The following UNC79 variants were observed in gnomAD, a reference collection of about 807,000 sequenced individuals.
UNC79 encodes the protein unc-79 subunit of NALCN channel complex, also known as protein unc-79 homolog.
A neutral mutation model predicts 283.1 loss-of-function variants in UNC79; 37 were observed. That is an observed-to-expected ratio of 0.13 (90% CI 0.10 to 0.17). The LOEUF (loss-of-function observed/expected upper bound fraction) is 0.17. Ranked by LOEUF, UNC79 falls within the 10% of genes least tolerant of loss-of-function variation. The pLI is 1.00. For synonymous variants in UNC79, 1,107 were observed against 1,200.2 expected, an observed-to-expected ratio of 0.92 and a Z score of 1.61; for missense variants, 2,272 against 3,211.1, an observed-to-expected ratio of 0.71 and a Z score of 7.07.
chr14:93,394,971 C>A lies in UNC79; in HGVS notation c.-351+61448C>A, dbSNP rs372827495. Reference sequence around the variant, plus strand: ...CAAGCAACCCTTCTGTCTTGGCCTCCCAAAGCATTGGGCTTACAGACATGA... The same window carrying A: ...CAAGCAACCCTTCTGTCTTGGCCTCACAAAGCATTGGGCTTACAGACATGA... On this transcript the variant is annotated intron_variant, in intron 1 of 49. Transcript: ENST00000256339. Among the ~76,000 whole-genome samples, 8 of 152,262 alleles carry A rather than the reference C, an allele frequency of 5.3e-5. No individual in the cohort carries two copies. In the East Asian group the frequency reaches 7.7e-4, roughly 15 times the overall value.
At chr14:93,609,019 C>T (rs553967757) in intron 26 of UNC79, among the ~76,000 whole-genome samples, 2 of 152,288 alleles carry the variant, frequency 1.3e-5, no homozygotes, top group East Asian at 3.9e-4. Flanking sequence ...GCATAATTGT[C>T]ATTGGCCACA....
chr14:93,613,194 C>A, intron 27 of UNC79, 111 bp downstream of exon 28: 1 of 1,420,494 alleles, frequency 7.0e-7, no homozygotes, highest in Non-Finnish European at 9.6e-7. Context: ...GTACAAATTG[C>A]TTGGTATTAT....
At chr14:93,469,216 A>T (rs1392011344) in intron 2 of UNC79, among the ~76,000 whole-genome samples, 1 of 152,176 alleles carries the variant, frequency 6.6e-6, no homozygotes, top group Non-Finnish European at 1.5e-5. Context: ...AGACGTAAAG[A>T]TTCCATTTTC....
intron 7 of UNC79, among the ~76,000 whole-genome samples, chr14:93,508,204 GA>G (rs113575263): frequency 0.014 from 1,693 of 124,622 alleles, 19 homozygotes; most frequent in South Asian, 0.061. Context: ...AATTTCTGTC[GA>G]AAAAAAAAAA....
exon 21 of UNC79, chr14:93,586,629 A>T (rs1275073181): frequency 6.2e-7 from 1 of 1,613,824 alleles, no homozygotes; most frequent in African/African-American, 1.3e-5. Flanking sequence ...AAATTTTGCT[A>T]CCAACAGCTT....
chr14:93,448,557 T>A (rs562156344), intron 1 of UNC79, among the ~76,000 whole-genome samples: 4 of 152,290 alleles, frequency 2.6e-5, no homozygotes, highest in African/African-American at 9.6e-5. Context: ...ATTTTCTTGG[T>A]TCTTCTTATG....
At chr14:93,429,685 G>A (rs2055811006), upstream of UNC79, among the ~76,000 whole-genome samples, 1 of 152,146 alleles carries the variant, frequency 6.6e-6, no homozygotes. Context: ...AAAAGTCATT[G>A]TCAACACTTA....
intron 42 of UNC79, among the ~76,000 whole-genome samples, chr14:93,685,728 C>T (rs1325441035): frequency 1.3e-5 from 2 of 152,202 alleles, no homozygotes; most frequent in East Asian, 3.8e-4. Flanking sequence ...CTCGTTTGAT[C>T]CACATGATAC....
At chr14:93,438,100 A>G (rs889950352) in intron 1 of UNC79, among the ~76,000 whole-genome samples, 2 of 152,232 alleles carry the variant, frequency 1.3e-5, no homozygotes, top group African/African-American at 4.8e-5. Flanking sequence ...TACCAAAACA[A>G]TATGCATTCC....
At chr14:93,606,858 A>T (rs2065924158) in intron 26 of UNC79, among the ~76,000 whole-genome samples, 1 of 152,224 alleles carries the variant, frequency 6.6e-6, no homozygotes, top group Non-Finnish European at 1.5e-5. Flanking sequence ...GGCTTTGTGC[A>T]TCTAAATAAA....
chr14:93,632,031 A>G (rs1437944805), intron 31 of UNC79, among the ~76,000 whole-genome samples: 1 of 152,218 alleles, frequency 6.6e-6, no homozygotes, highest in Admixed American at 6.5e-5. Context: ...TGTTGGCCCC[A>G]TATTATAGAT....
At chr14:93,435,315 T>G (rs2056044236) in intron 1 of UNC79, among the ~76,000 whole-genome samples, 1 of 152,246 alleles carries the variant, frequency 6.6e-6, no homozygotes, top group South Asian at 2.1e-4. Context: ...CATTTGACAC[T>G]AGTTGCTGCA....
intron 7 of UNC79, among the ~76,000 whole-genome samples, chr14:93,505,634 A>G (rs2059496848): frequency 6.6e-6 from 1 of 151,962 alleles, no homozygotes; most frequent in Middle Eastern, 3.2e-3. Flanking sequence ...TTTAGCCCAT[A>G]TATATGTAAT....
intron 7 of UNC79, among the ~76,000 whole-genome samples, chr14:93,512,382 T>C (rs1426088674): frequency 7.0e-6 from 1 of 142,428 alleles, no homozygotes; most frequent in African/African-American, 2.5e-5. Context: ...TTTGTACTTA[T>C]TTTGCTTGGG....
At chr14:93,350,141 T>G (rs1375962943) in intron 1 of UNC79, among the ~76,000 whole-genome samples, 1 of 152,152 alleles carries the variant, frequency 6.6e-6, no homozygotes, top group East Asian at 1.9e-4. Context: ...GTTCAGGATT[T>G]CTTGCTTCCT....
intron 1 of UNC79, among the ~76,000 whole-genome samples, chr14:93,374,642 G>A (rs575215572): frequency 1.3e-5 from 2 of 152,236 alleles, no homozygotes; most frequent in Admixed American, 6.5e-5. Flanking sequence ...GGGCTCAAGC[G>A]ATCCTCCCAC....
rs762432284 is a variant in UNC79, at chr14:93,572,659, A to G, written c.1947-34A>G. 13 of 1,613,016 alleles carry G rather than the reference A, an allele frequency of 8.1e-6. No homozygotes were observed. The South Asian group carries it at 1.1e-4, about 14-fold the overall frequency. On this transcript the variant is annotated intron_variant, in intron 15 of 48. Transcript: ENST00000555664. ...TATTAGTAGAACCCAATCTATGCCC[A>G]TTGGTCATTTACTTTTGTTGCTCTG...
At chr14:93,679,472 G>T (rs989571023) in intron 41 of UNC79, among the ~76,000 whole-genome samples, 4 of 151,724 alleles carry the variant, frequency 2.6e-5, no homozygotes, top group Non-Finnish European at 5.9e-5. Flanking sequence ...AAAAAAAGTA[G>T]ATATTCTGCT....
chr14:93,653,954 C>T (rs752534088), exon 37 of UNC79: 16 of 1,614,032 alleles, frequency 9.9e-6, no homozygotes, highest in South Asian at 3.3e-5. Flanking sequence ...GACTTTTTTA[C>T]GGACCTTAGC....
Sources: gnomAD v4.1 joint callset for allele counts (sites outside exome capture counted in the v4.1 genomes callset) on GRCh38, gnomAD v4.1.1 for gene constraint, MANE v1.5 for transcripts, NCBI Gene and HGNC (gene_info 2026-07-23, HGNC 2026-07-21) for gene names.